Variants in MNAT1 observed in about 807,000 individuals in gnomAD.
MNAT1 encodes MNAT1 component of CDK activating kinase, also known as CDK-activating kinase assembly factor MAT1.
MNAT1 carries 43 observed loss-of-function variants against 42.0 expected under a neutral mutation model. That is an observed-to-expected ratio of 1.02 (90% CI 0.80 to 1.32). The LOEUF is 1.32. Ranked by LOEUF, MNAT1 falls within the 40% of genes most tolerant of loss-of-function variation. The probability of loss-of-function intolerance (pLI) is 0.00; values close to 1 mark genes in which losing one functional copy is unlikely to be tolerated. For missense variants in MNAT1, 306 were observed against 350.4 expected (o/e 0.87, Z 1.01); for synonymous variants, 118 against 120.0 (o/e 0.98, Z 0.11).
intron 1 of MNAT1, among the ~76,000 whole-genome samples, chr14:60,756,785 C>T (rs2140297040): frequency 6.6e-6 from 1 of 152,166 alleles, no homozygotes; most frequent in African/African-American, 2.4e-5. Flanking sequence ...AAAATAGAGC[C>T]ATGTCTATTT....
intron 6 of MNAT1, among the ~76,000 whole-genome samples, chr14:60,863,642 T>C (rs920818568): frequency 6.6e-6 from 1 of 152,158 alleles, no homozygotes; most frequent in African/African-American, 2.4e-5. Flanking sequence ...TGTTATTTTT[T>C]TAATTTTAAA....
chr14:60,871,304 A>G (rs886659069), intron 6 of MNAT1, among the ~76,000 whole-genome samples: 5 of 152,182 alleles, frequency 3.3e-5, no homozygotes, highest in Non-Finnish European at 5.9e-5. Flanking sequence ...GTAGATACTT[A>G]TAAGTGGAAT....
At chr14:60,863,942 A>G (rs1192075229) in intron 6 of MNAT1, among the ~76,000 whole-genome samples, 1 of 152,094 alleles carries the variant, frequency 6.6e-6, no homozygotes, top group African/African-American at 2.4e-5. Context: ...TAGCCTTTTT[A>G]CTAAACTGGT....
intron 1 of MNAT1, among the ~76,000 whole-genome samples, chr14:60,749,511 G>A (rs983526061): frequency 6.6e-6 from 1 of 152,124 alleles, no homozygotes; most frequent in Non-Finnish European, 1.5e-5. Context: ...TTAGCTATGA[G>A]ATTTAGGGAA....
intron 3 of MNAT1, among the ~76,000 whole-genome samples, chr14:60,804,494 A>G (rs2032305063): frequency 6.6e-6 from 1 of 151,842 alleles, no homozygotes. Flanking sequence ...CTTTTTTTGG[A>G]ATTCATAAAG....
chr14:60,883,350 A>C (rs1014949028), intron 7 of MNAT1, among the ~76,000 whole-genome samples: 7 of 152,034 alleles, frequency 4.6e-5, no homozygotes, highest in Admixed American at 3.3e-4. Context: ...TCCCAAATGT[A>C]TGGTCTTGGC....
chr14:60,794,473 T>C (rs2031935965), intron 1 of MNAT1, among the ~76,000 whole-genome samples: 1 of 151,382 alleles, frequency 6.6e-6, no homozygotes, highest in Admixed American at 6.6e-5. Context: ...GAGACCAGCC[T>C]GAGCAACATG....
intron 6 of MNAT1, among the ~76,000 whole-genome samples, chr14:60,826,280 T>C (rs760570219): frequency 6.6e-6 from 1 of 151,586 alleles, no homozygotes; most frequent in Non-Finnish European, 1.5e-5. Flanking sequence ...GTTCTACTTA[T>C]CACTATTTTA....
intron 1 of MNAT1, chr14:60,780,111 G>T (rs184845278): frequency 6.8e-7 from 1 of 1,460,260 alleles, no homozygotes. Context: ...ATCTTTACTC[G>T]AGTGCAGAAA....
intron 7 of MNAT1, among the ~76,000 whole-genome samples, chr14:60,932,281 T>C (rs1441071473): frequency 6.6e-6 from 1 of 152,030 alleles, no homozygotes; most frequent in Non-Finnish European, 1.5e-5. Context: ...GAATAATATT[T>C]AGTTTTTCTT....
chr14:60,816,269 G>A (rs765671437), intron 5 of MNAT1, among the ~76,000 whole-genome samples: 1 of 152,052 alleles, frequency 6.6e-6, no homozygotes, highest in South Asian at 2.1e-4. Flanking sequence ...CTTAGTATTT[G>A]CAGTAATGTT....
intron 7 of MNAT1, among the ~76,000 whole-genome samples, chr14:60,899,870 G>A (rs2035036145): frequency 6.6e-6 from 1 of 152,008 alleles, no homozygotes; most frequent in South Asian, 2.1e-4. Flanking sequence ...TTCACATTTG[G>A]TTAATTCTTA....
rs1231775681 is a variant in MNAT1 at position 60,882,277 on chromosome 14, TCTA to T, written c.809+2445_809+2447del. Among the ~76,000 whole-genome samples the T allele has an allele frequency of 3.4e-4, 51 of 152,190 alleles. No homozygotes were observed. In the East Asian group the frequency reaches 5.8e-3, roughly 17 times the overall value. Reference sequence around the variant, plus strand: ...CTTCACAACCTCTGGTGACCTTCCTTCTACTCCCTATCAGTTCAATTTTTAGCT... The same window carrying T: ...CTTCACAACCTCTGGTGACCTTCCTTCTCCCTATCAGTTCAATTTTTAGCT... On this transcript the variant is annotated intron_variant, in intron 7 of 7. Transcript: ENST00000261245.
At chr14:60,924,264 G>T (rs1041535125) in intron 7 of MNAT1, among the ~76,000 whole-genome samples, 1 of 151,716 alleles carries the variant, frequency 6.6e-6, no homozygotes, top group Non-Finnish European at 1.5e-5. Context: ...TGCTTTGGGG[G>T]ATATTTGCAA....
chr14:60,848,707 T>C (rs562029237), intron 6 of MNAT1, among the ~76,000 whole-genome samples: 1 of 152,286 alleles, frequency 6.6e-6, no homozygotes, highest in East Asian at 1.9e-4. Context: ...ATGTATTTAC[T>C]CTATATATGT....
chr14:60,817,441 A>G (rs1460135329), intron 5 of MNAT1, among the ~76,000 whole-genome samples: 2 of 151,958 alleles, frequency 1.3e-5, no homozygotes, highest in African/African-American at 4.8e-5. Context: ...TTATAAATAA[A>G]TAAAATTTGT....
intron 7 of MNAT1, among the ~76,000 whole-genome samples, chr14:60,951,178 C>A (rs2036374637): frequency 6.7e-6 from 1 of 149,944 alleles, no homozygotes; most frequent in Non-Finnish European, 1.5e-5. Context: ...ATATTATTTG[C>A]AAACATCAAA....
intron 1 of MNAT1, among the ~76,000 whole-genome samples, chr14:60,777,335 A>C (rs1185773306): frequency 2.0e-5 from 3 of 152,104 alleles, no homozygotes; most frequent in Non-Finnish European, 4.4e-5. Context: ...CTGTAATCTC[A>C]GCATTTTGGG....
intron 1 of MNAT1, among the ~76,000 whole-genome samples, chr14:60,761,077 A>C (rs1467433661): frequency 6.6e-6 from 1 of 152,188 alleles, no homozygotes; most frequent in Non-Finnish European, 1.5e-5. Context: ...AAATGTATTA[A>C]TATGTAATGT....
Sources: gnomAD v4.1 joint callset for allele counts (sites outside exome capture counted in the v4.1 genomes callset) on GRCh38, gnomAD v4.1.1 for gene constraint, MANE v1.5 for transcripts, NCBI Gene and HGNC (gene_info 2026-07-23, HGNC 2026-07-21) for gene names.